Variants in FOXP2 observed in about 807,000 individuals in gnomAD.
FOXP2 encodes forkhead box protein P2.
In FOXP2, 12 loss-of-function variants were observed where a neutral mutation model predicts 115.8. The ratio of observed to expected loss-of-function variants is 0.10; its 90% CI spans 0.07 to 0.17. The LOEUF is 0.17. Ranked by LOEUF, FOXP2 falls within the 10% of genes least tolerant of loss-of-function variation. The pLI is 1.00. For missense variants in FOXP2, 629 were observed against 843.5 expected, an observed-to-expected ratio of 0.75 and a Z score of 3.15; for synonymous variants, 328 against 297.7, an observed-to-expected ratio of 1.10 and a Z score of -1.05.
intron 5 of FOXP2, among the ~76,000 whole-genome samples, 168 bp downstream of exon 5, chr7:114,630,173 T>A (rs2129327667): frequency 6.6e-6 from 1 of 152,326 alleles, no homozygotes. Context: ...AGGCTCTCCT[T>A]TTTTGTAGCA....
At chr7:114,278,849 C>T (rs973711447) in intron 1 of FOXP2, among the ~76,000 whole-genome samples, 2 of 152,154 alleles carry the variant, frequency 1.3e-5, no homozygotes, top group African/African-American at 4.8e-5. Context: ...GTTAAACTGA[C>T]TCTCAGAAGA....
intron 2 of FOXP2, among the ~76,000 whole-genome samples, chr7:114,405,995 C>T (rs1157852820): frequency 6.6e-6 from 1 of 151,664 alleles, no homozygotes; most frequent in Non-Finnish European, 1.5e-5. Context: ...AAGACATTGC[C>T]AGTTATGAGA....
intron 1 of FOXP2, among the ~76,000 whole-genome samples, chr7:114,239,298 T>G (rs973668809): frequency 2.0e-5 from 3 of 152,124 alleles, no homozygotes; most frequent in Non-Finnish European, 2.9e-5. Flanking sequence ...ATGTAATAAT[T>G]TAAGGAGTAA....
intron 1 of FOXP2, among the ~76,000 whole-genome samples, chr7:114,236,640 A>T (rs1265797823): frequency 6.6e-6 from 1 of 152,230 alleles, no homozygotes; most frequent in African/African-American, 2.4e-5. Flanking sequence ...ATAGAACTTT[A>T]CATACACATG....
chr7:114,316,704 T>C (rs1797286285), intron 2 of FOXP2, among the ~76,000 whole-genome samples: 1 of 151,686 alleles, frequency 6.6e-6, no homozygotes. Context: ...CCTAGGAGAG[T>C]TTCATGTTTA....
intron 2 of FOXP2, among the ~76,000 whole-genome samples, chr7:114,440,986 A>G (rs1470452329): frequency 6.6e-6 from 1 of 152,204 alleles, no homozygotes; most frequent in Non-Finnish European, 1.5e-5. Flanking sequence ...AACCTTTGCT[A>G]TTGAAATATG....
chr7:114,572,133 A>T (rs188706472), intron 3 of FOXP2, among the ~76,000 whole-genome samples: 1 of 151,982 alleles, frequency 6.6e-6, no homozygotes, highest in East Asian at 1.9e-4. Flanking sequence ...AAATTAATGA[A>T]AGGATATTTA....
At chr7:114,472,168 A>G (rs117410000) in intron 2 of FOXP2, among the ~76,000 whole-genome samples, 5 of 152,002 alleles carry the variant, frequency 3.3e-5, no homozygotes, top group African/African-American at 4.8e-5. Context: ...TTTATGCTAC[A>G]TGCATGGAGT....
intron 1 of FOXP2, among the ~76,000 whole-genome samples, chr7:114,418,228 G>A (rs906783168): frequency 2.0e-5 from 3 of 151,918 alleles, no homozygotes; most frequent in Non-Finnish European, 4.4e-5. Context: ...GTATGAATGA[G>A]AAATGTTTCT....
intron 3 of FOXP2, among the ~76,000 whole-genome samples, chr7:114,548,231 T>A (rs987329217): frequency 1.3e-5 from 2 of 152,206 alleles, no homozygotes; most frequent in African/African-American, 2.4e-5. Flanking sequence ...CTGTCCCCTT[T>A]AATAACCAGC....
intron 1 of FOXP2, among the ~76,000 whole-genome samples, chr7:114,208,993 G>A (rs1322928413): frequency 6.6e-6 from 1 of 152,100 alleles, no homozygotes; most frequent in Non-Finnish European, 1.5e-5. Flanking sequence ...GGAAATTTGG[G>A]AGGGGCTGAA....
intron 16 of FOXP2, among the ~76,000 whole-genome samples, chr7:114,674,915 C>T (rs1807678730): frequency 6.6e-6 from 1 of 151,926 alleles, no homozygotes; most frequent in South Asian, 2.1e-4. Flanking sequence ...TTATGTTATC[C>T]TTAGATCAGC....
At chr7:114,566,196 A>C (rs1202709986) in intron 3 of FOXP2, among the ~76,000 whole-genome samples, 1 of 152,156 alleles carries the variant, frequency 6.6e-6, no homozygotes, top group South Asian at 2.1e-4. Flanking sequence ...TATTGTTTTA[A>C]AGTTTGATTT....
intron 3 of FOXP2, among the ~76,000 whole-genome samples, chr7:114,536,337 C>A (rs1799389829): frequency 6.7e-6 from 1 of 148,298 alleles, no homozygotes; most frequent in Non-Finnish European, 1.5e-5. Context: ...GTAGAAGTTT[C>A]TATATTGCTG....
chr7:114,494,316 A>G (rs960722302), intron 2 of FOXP2, among the ~76,000 whole-genome samples: 1 of 152,184 alleles, frequency 6.6e-6, no homozygotes, highest in Non-Finnish European at 1.5e-5. Flanking sequence ...AATTCAGACT[A>G]TGATACTGTT....
At chr7:114,185,791 C>T (rs897654756) in intron 1 of FOXP2, among the ~76,000 whole-genome samples, 1 of 152,020 alleles carries the variant, frequency 6.6e-6, no homozygotes, top group African/African-American at 2.4e-5. Context: ...ATTTTTTATT[C>T]TATATATTTA....
rs548473804 is a variant in FOXP2 at position 114,521,757 on chromosome 7, T to A, written c.169-12860T>A. ...ATGGGTAAAAATATTTTAATTTAAC[T>A]TGATGAAAAGAAATATTATGCTAAT... On this transcript the variant is annotated intron_variant, in intron 2 of 16. Coordinates refer to ENST00000350908, the MANE Select transcript of FOXP2 (RefSeq NM_014491.4). Among the ~76,000 whole-genome samples, 260 of 83,842 alleles carry A rather than the reference T, an allele frequency of 3.1e-3. 1 individual carries two copies. The highest frequency in any genetic ancestry group is 0.017 in the African/African-American group (238 of 14,074). 55.0% of individuals were successfully genotyped at this position (83,842 alleles called of 152,430 possible).
intron 2 of FOXP2, among the ~76,000 whole-genome samples, chr7:114,525,874 G>T (rs1798831663): frequency 6.6e-6 from 1 of 152,094 alleles, no homozygotes; most frequent in South Asian, 2.1e-4. Flanking sequence ...CACTTTGGGA[G>T]GCTGAGATGG....
chr7:114,222,241 T>G (rs1794642309), intron 1 of FOXP2, among the ~76,000 whole-genome samples: 1 of 152,220 alleles, frequency 6.6e-6, no homozygotes, highest in Non-Finnish European at 1.5e-5. Context: ...CTGCAGCCTC[T>G]GTCTCCTGGG....
Sources: gnomAD v4.1 joint callset for allele counts (sites outside exome capture counted in the v4.1 genomes callset) on GRCh38, gnomAD v4.1.1 for gene constraint, MANE v1.5 for transcripts, NCBI Gene and HGNC (gene_info 2026-07-23, HGNC 2026-07-21) for gene names.